Variants in RB1 observed in about 807,000 individuals in gnomAD.
RB1 encodes retinoblastoma-associated protein.
In RB1, 18 loss-of-function variants were observed where a neutral mutation model predicts 135.4. The observed-to-expected ratio is 0.13, with a 90% CI of 0.09 to 0.20. The LOEUF (loss-of-function observed/expected upper bound fraction) is 0.20. Ranked by LOEUF, RB1 falls within the 10% of genes least tolerant of loss-of-function variation. The pLI is 1.00. For missense variants in RB1, 868 were observed against 1,110.0 expected (o/e 0.78, Z 3.10); for synonymous variants, 365 against 373.2 (o/e 0.98, Z 0.25).
At chr13:48,407,935 T>C (rs1389414966) in intron 17 of RB1, among the ~76,000 whole-genome samples, 1 of 152,164 alleles carries the variant, frequency 6.6e-6, no homozygotes, top group Non-Finnish European at 1.5e-5. Flanking sequence ...GTGATGCTTC[T>C]TCTTGGAAAT....
At chr13:48,473,884 C>G (rs941405066) in intron 24 of RB1, among the ~76,000 whole-genome samples, 3 of 152,160 alleles carry the variant, frequency 2.0e-5, no homozygotes, top group Middle Eastern at 3.2e-3. Flanking sequence ...CCAGGCTACA[C>G]CACACTTCCG....
chr13:48,355,444 A>G lies in RB1; in HGVS notation c.608-4573A>G, dbSNP rs567883249. On this transcript the variant is annotated intron_variant, in intron 6 of 26. Transcript: ENST00000267163. ...CAAATGCTGGCTAGGATGTGGAGAA[A>G]AGAGAACCCCCGTACACTGTTGGTG... Among the ~76,000 whole-genome samples, 3 of 152,268 alleles carry G rather than the reference A, an allele frequency of 2.0e-5. No homozygotes were observed. The East Asian group carries it at 5.8e-4, about 29-fold the overall frequency.
chr13:48,397,117 A>G (rs190988808), intron 17 of RB1, among the ~76,000 whole-genome samples: 10 of 152,282 alleles, frequency 6.6e-5, no homozygotes, highest in African/African-American at 1.9e-4. Flanking sequence ...GCCAGAAATA[A>G]TATTTGACCC....
intron 2 of RB1, among the ~76,000 whole-genome samples, chr13:48,320,713 C>T (rs1409893019): frequency 6.6e-6 from 1 of 152,166 alleles, no homozygotes; most frequent in South Asian, 2.1e-4. Context: ...AGCCTGTAGT[C>T]CCAGCTACTC....
intron 2 of RB1, among the ~76,000 whole-genome samples, chr13:48,321,779 C>T (rs1751464100): frequency 6.6e-6 from 1 of 152,080 alleles, no homozygotes. Flanking sequence ...TGACATGAAC[C>T]CAGGAGGCGG....
At chr13:48,437,387 G>A (rs1001899393) in intron 17 of RB1, among the ~76,000 whole-genome samples, 1 of 152,092 alleles carries the variant, frequency 6.6e-6, no homozygotes, top group African/African-American at 2.4e-5. Flanking sequence ...AGTTAAAAAA[G>A]ATCAATTGCT....
At chr13:48,327,543 A>T (rs900929940) in intron 2 of RB1, among the ~76,000 whole-genome samples, 1 of 152,208 alleles carries the variant, frequency 6.6e-6, no homozygotes, top group Non-Finnish European at 1.5e-5. Context: ...CACCTAGTTT[A>T]TGATGACTTG....
intron 9 of RB1, among the ~76,000 whole-genome samples, chr13:48,366,983 G>T (rs1304994831): frequency 2.0e-5 from 3 of 152,088 alleles, no homozygotes; most frequent in African/African-American, 7.2e-5. Context: ...GCCGGGCATG[G>T]TAGCAGGTAC....
intron 7 of RB1, 78 bp downstream of exon 7, chr13:48,360,205 G>T: frequency 6.3e-7 from 1 of 1,593,312 alleles, no homozygotes; most frequent in South Asian, 1.1e-5. Context: ...ACCAAACATG[G>T]TTCTAAGGCT....
chr13:48,442,521 T>C (rs1168646132), intron 17 of RB1, among the ~76,000 whole-genome samples: 1 of 152,214 alleles, frequency 6.6e-6, no homozygotes, highest in East Asian at 1.9e-4. Flanking sequence ...AAGGTAACTT[T>C]CCTACTGTAC....
At chr13:48,386,298 T>C (rs1420199655) in intron 17 of RB1, among the ~76,000 whole-genome samples, 1 of 152,080 alleles carries the variant, frequency 6.6e-6, no homozygotes, top group Non-Finnish European at 1.5e-5. Context: ...CAAACCTAGG[T>C]GGTATAGCCT....
intron 4 of RB1, among the ~76,000 whole-genome samples, chr13:48,346,800 T>G (rs1321334634): frequency 6.6e-6 from 1 of 152,058 alleles, no homozygotes; most frequent in East Asian, 1.9e-4. Flanking sequence ...TGGAGAGAAG[T>G]TTACCACAAT....
At chr13:48,454,435 T>C (rs1040840824) in intron 18 of RB1, among the ~76,000 whole-genome samples, 1 of 152,342 alleles carries the variant, frequency 6.6e-6, no homozygotes, top group Admixed American at 6.5e-5. Context: ...ATGCATTGTA[T>C]AAATAAGTTA....
chr13:48,317,543 C>T (rs1952196909), intron 2 of RB1: 1 of 434,300 alleles, frequency 2.3e-6, no homozygotes, highest in Non-Finnish European at 4.2e-6. Context: ...CCCGCTGTGG[C>T]ACTGCTGGGC....
At position 48,458,432 on chromosome 13, in the gene RB1, A is replaced by G. The variant is rs1325494374; in HGVS notation, c.1961-1256A>G. ...GATAATCTTTTTCCTGATTTTATTC[A>G]AGTAAGAATTATGCTGAGCTTTACA... On this transcript the variant is annotated intron_variant, in intron 19 of 26. Coordinates refer to ENST00000267163, the MANE Select transcript of RB1 (RefSeq NM_000321.3). Among the ~76,000 whole-genome samples the G allele has an allele frequency of 5.1e-4, 77 of 152,162 alleles. 1 individual carries two copies. Among genetic ancestry groups the G allele is most frequent in the Admixed American group, 5.0e-3 (77 of 15,278 alleles).
intron 2 of RB1, among the ~76,000 whole-genome samples, chr13:48,336,088 A>AT (rs1272645765): frequency 1.3e-5 from 2 of 152,136 alleles, no homozygotes; most frequent in Non-Finnish European, 2.9e-5. Flanking sequence ...CAGATGCTGC[A>AT]TAGAGGTCTT....
intron 3 of RB1, among the ~76,000 whole-genome samples, chr13:48,344,192 A>G (rs1952471994): frequency 6.6e-6 from 1 of 152,266 alleles, no homozygotes; most frequent in Admixed American, 6.5e-5. Context: ...TATGGAAAAG[A>G]GTAACGAAGA....
chr13:48,419,946 T>C (rs1472561992), intron 17 of RB1, among the ~76,000 whole-genome samples: 1 of 152,232 alleles, frequency 6.6e-6, no homozygotes, highest in African/African-American at 2.4e-5. Flanking sequence ...CACAGCTGAA[T>C]TCTGCCAGAG....
At chr13:48,322,537 T>C (rs142137924) in intron 2 of RB1, among the ~76,000 whole-genome samples, 2 of 152,222 alleles carry the variant, frequency 1.3e-5, no homozygotes, top group East Asian at 3.8e-4. Flanking sequence ...TCTTGCCTAA[T>C]TGCTTTGTCT....
Sources: gnomAD v4.1 joint callset for allele counts (sites outside exome capture counted in the v4.1 genomes callset) on GRCh38, gnomAD v4.1.1 for gene constraint, MANE v1.5 for transcripts, NCBI Gene and HGNC (gene_info 2026-07-23, HGNC 2026-07-21) for gene names.